RBBP8: variants seen among roughly 807,000 people sequenced by gnomAD.
RBBP8 encodes DNA endonuclease RBBP8.
In RBBP8, 88 loss-of-function variants were observed where a neutral mutation model predicts 108.3. That is an observed-to-expected ratio of 0.81 (90% CI 0.68 to 0.97). The LOEUF (loss-of-function observed/expected upper bound fraction) is 0.97, where lower values mean the gene tolerates loss of function less well. RBBP8 is among the 50% of genes least tolerant of loss of function. The pLI is 0.00. For missense variants in RBBP8, 1,023 were observed against 1,049.0 expected, an observed-to-expected ratio of 0.98 and a Z score of 0.34; for synonymous variants, 332 against 348.2, an observed-to-expected ratio of 0.95 and a Z score of 0.52.
In RBBP8 at chr18:22,994,717, TTTATTATTA is replaced by T. The variant is rs548679146; in HGVS notation, c.1939+885_1939+893del. On this transcript the variant is annotated intron_variant, in intron 12 of 18. Transcript: ENST00000327155. The stretch of plus-strand genomic sequence containing the variant: ...GCATCTTTTCATAATTTTGCTATAT[TTTATTATTA>T]TTATTATTATTATTTGAGACAGGGT... Among the ~76,000 whole-genome samples, 4 of 150,964 alleles carry T rather than the reference TTTATTATTA, an allele frequency of 2.6e-5. No individual in the cohort carries two copies. The East Asian group carries it at 5.8e-4, about 22-fold the overall frequency.
At chr18:22,970,748 A>G (rs1424401502) in intron 5 of RBBP8, among the ~76,000 whole-genome samples, 1 of 152,124 alleles carries the variant, frequency 6.6e-6, no homozygotes, top group Non-Finnish European at 1.5e-5. Flanking sequence ...AATTTAGTGA[A>G]TAACTAAGAG....
chr18:22,988,475 T>TC (rs765109356), intron 8 of RBBP8, among the ~76,000 whole-genome samples: 1 of 152,166 alleles, frequency 6.6e-6, no homozygotes, highest in Non-Finnish European at 1.5e-5. Flanking sequence ...CTACTTTCTG[T>TC]CCCCAGTCCA....
chr18:23,007,652 C>G (rs1354889794), intron 16 of RBBP8, among the ~76,000 whole-genome samples: 2 of 143,740 alleles, frequency 1.4e-5, no homozygotes, highest in Admixed American at 1.4e-4. Flanking sequence ...GTGCCGAGAT[C>G]GCGCCACTGC....
At chr18:22,944,095 C>G (rs1050683504) in intron 2 of RBBP8, among the ~76,000 whole-genome samples, 1 of 152,190 alleles carries the variant, frequency 6.6e-6, no homozygotes, top group African/African-American at 2.4e-5. Flanking sequence ...CTCATTCCTT[C>G]CGATGGGTGT....
chr18:23,016,116 G>A lies in RBBP8; in HGVS notation c.2358-712G>A, dbSNP rs546716809. The stretch of plus-strand genomic sequence containing the variant: ...ACACAGACATGGTTTTGTCACGTTG[G>A]CCAGGCTGGTCTCGAACTCCTGACC... On this transcript the variant is annotated intron_variant, in intron 16 of 18. Coordinates refer to ENST00000327155, the MANE Select transcript of RBBP8 (RefSeq NM_002894.3). 8.5e-5 allele frequency among the ~76,000 whole-genome samples: 13 copies of A among 152,200 alleles called. 1 individual carries two copies. The South Asian group carries it at 2.7e-3, about 32-fold the overall frequency.
chr18:22,951,625 A>G (rs891620207), intron 4 of RBBP8, among the ~76,000 whole-genome samples: 9 of 152,188 alleles, frequency 5.9e-5, no homozygotes, highest in Non-Finnish European at 1.2e-4. Flanking sequence ...TGGATATGGC[A>G]TCAGGTCCCA....
At chr18:22,936,615 C>G in intron 1 of RBBP8, 139 bp from the exon 2 acceptor site, 1 of 496,444 alleles carries the variant, frequency 2.0e-6, no homozygotes, top group South Asian at 2.3e-5. Context: ...TTTCCTTCCC[C>G]TCCCAAATTC....
chr18:23,004,392 T>G (rs144913286), intron 15 of RBBP8, among the ~76,000 whole-genome samples: 19 of 152,264 alleles, frequency 1.2e-4, no homozygotes, highest in Middle Eastern at 3.4e-3. Flanking sequence ...GAACATCATA[T>G]TAAGTGAAAT....
At chr18:23,014,703 G>A (rs1332503529) in intron 16 of RBBP8, among the ~76,000 whole-genome samples, 2 of 152,032 alleles carry the variant, frequency 1.3e-5, no homozygotes, top group Admixed American at 6.6e-5. Flanking sequence ...TCTTCCCAAC[G>A]TACTCCATAG....
intron 16 of RBBP8, among the ~76,000 whole-genome samples, chr18:23,014,218 C>G (rs1215247180): frequency 6.6e-6 from 1 of 151,910 alleles, no homozygotes; most frequent in Admixed American, 6.6e-5. Flanking sequence ...GTTGGCCAGG[C>G]TGGATGAATG....
chr18:22,961,499 A>G (rs540850478), intron 4 of RBBP8, among the ~76,000 whole-genome samples: 42 of 152,336 alleles, frequency 2.8e-4, no homozygotes, highest in African/African-American at 1.0e-3. Flanking sequence ...ATGGCTCAAT[A>G]TAAGGATAAG....
chr18:22,988,843 G>A (rs1275642384), intron 8 of RBBP8, among the ~76,000 whole-genome samples: 1 of 152,174 alleles, frequency 6.6e-6, no homozygotes, highest in Non-Finnish European at 1.5e-5. Context: ...CTCCTACAAA[G>A]TATGTTTTCA....
intron 3 of RBBP8, among the ~76,000 whole-genome samples, chr18:22,948,585 T>C (rs1363988656): frequency 6.6e-6 from 1 of 152,160 alleles, no homozygotes; most frequent in African/African-American, 2.4e-5. Context: ...AAATTCCCTC[T>C]ATATTTGATA....
At chr18:22,932,845 A>G (rs138743809), upstream of RBBP8, among the ~76,000 whole-genome samples, 127 of 152,312 alleles carry the variant, frequency 8.3e-4, no homozygotes, top group Middle Eastern at 0.017. Context: ...TTTGCCAGAA[A>G]CTTCCCGTTT....
intron 15 of RBBP8, among the ~76,000 whole-genome samples, chr18:23,002,371 C>G (rs59228294): frequency 0.016 from 2,455 of 152,202 alleles, 76 homozygotes; most frequent in African/African-American, 0.057. Context: ...GCTGACTGTA[C>G]TTCAGCCTGG....
At chr18:22,938,972 G>T (rs1294986994) in intron 2 of RBBP8, among the ~76,000 whole-genome samples, 1 of 152,096 alleles carries the variant, frequency 6.6e-6, no homozygotes. Flanking sequence ...TATTATTTGT[G>T]TTAAAAGATA....
chr18:22,945,398 A>AC (rs1476751849), intron 2 of RBBP8, among the ~76,000 whole-genome samples: 1 of 151,408 alleles, frequency 6.6e-6, no homozygotes, highest in African/African-American at 2.4e-5. Context: ...ATTTTATTTT[A>AC]TTTTTTCAGA....
chr18:22,924,034 T>A (rs913967610), intron 3 of RBBP8, among the ~76,000 whole-genome samples: 1 of 152,170 alleles, frequency 6.6e-6, no homozygotes, highest in Non-Finnish European at 1.5e-5. Context: ...CAGTTTATTT[T>A]CAGCTCTGAG....
intron 10 of RBBP8, among the ~76,000 whole-genome samples, chr18:22,991,874 ATATATG>A (rs1250416846): frequency 6.6e-6 from 1 of 152,188 alleles, no homozygotes; most frequent in Non-Finnish European, 1.5e-5. Context: ...CTATCTATCT[ATATATG>A]TATATCACAG....
Sources: gnomAD v4.1 joint callset for allele counts (sites outside exome capture counted in the v4.1 genomes callset) on GRCh38, gnomAD v4.1.1 for gene constraint, MANE v1.5 for transcripts, NCBI Gene and HGNC (gene_info 2026-07-23, HGNC 2026-07-21) for gene names.